The following SERPINI2 variants were observed in gnomAD, a reference collection of about 807,000 sequenced individuals.
SERPINI2 encodes the protein serpin family I member 2.
A neutral mutation model predicts 47.3 loss-of-function variants in SERPINI2; 48 were observed. The observed-to-expected ratio is 1.02, with a 90% CI of 0.81 to 1.29. SERPINI2 has a LOEUF of 1.29. Ranked by LOEUF, SERPINI2 falls within the 50% of genes most tolerant of loss-of-function variation. SERPINI2 has a pLI of 0.00. For missense variants in SERPINI2, 448 were observed against 456.9 expected (o/e 0.98, Z 0.18); for synonymous variants, 135 against 149.3 (o/e 0.90, Z 0.70).
chr3:167,465,572 T>A lies in SERPINI2; in HGVS notation c.580A>T (p.Arg194Ter). ...TTTATCAGCTGTGTGTCCTCTTTTC[T>A]GAATTTCTGTTTCCAATCTCCTTTG... is the stretch of plus-strand genomic sequence containing the variant. Residue 194 changes from arginine (R) to a stop codon, truncating the protein, a stop_gained, in exon 4 of 9, where the codon AGA becomes TGA. Transcript: ENST00000264677. LOFTEE classifies it high-confidence loss of function. 1.9e-6 allele frequency: 3 copies of A among 1,613,934 alleles called. No individual in the cohort carries two copies. The highest frequency in any genetic ancestry group is 2.5e-6 in the Non-Finnish European group (3 of 1,179,954).
chr3:167,468,278 T>G (rs1431443431), intron 2 of SERPINI2, among the ~76,000 whole-genome samples: 2 of 152,192 alleles, frequency 1.3e-5, no homozygotes, highest in Admixed American at 6.6e-5. Flanking sequence ...AAGAGGGACT[T>G]ACTACTAGAT....
At chr3:167,472,504 G>C (rs993320408) in intron 1 of SERPINI2, among the ~76,000 whole-genome samples, 3 of 151,800 alleles carry the variant, frequency 2.0e-5, no homozygotes, top group African/African-American at 7.3e-5. Context: ...AAAGTACTAT[G>C]CTCACTACCT....
At chr3:167,446,332 A>T (rs757439026) in intron 8 of SERPINI2, 60 bp downstream of exon 8, 44 of 1,131,630 alleles carry the variant, frequency 3.9e-5, no homozygotes, top group Non-Finnish European at 5.7e-5. Context: ...TGCAATTAGA[A>T]ACTGGAACTA....
At chr3:167,467,150 T>A in exon 3 of SERPINI2, 1 of 1,613,584 alleles carries the variant, frequency 6.2e-7, no homozygotes, top group Non-Finnish European at 8.5e-7. Flanking sequence ...AAAAAATTCC[T>A]TGTTGCCATG....
intron 2 of SERPINI2, among the ~76,000 whole-genome samples, chr3:167,467,926 A>C (rs1750187938): frequency 6.6e-6 from 1 of 152,162 alleles, no homozygotes. Flanking sequence ...ACCACTAGCC[A>C]AAATAAGTCA....
At chr3:167,458,821 C>A (rs1016444612) in intron 5 of SERPINI2, among the ~76,000 whole-genome samples, 1 of 152,168 alleles carries the variant, frequency 6.6e-6, no homozygotes, top group Non-Finnish European at 1.5e-5. Context: ...CTCAGTGCCT[C>A]AGTTTTCTTA....
chr3:167,447,630 C>T (rs1475306858), intron 7 of SERPINI2, among the ~76,000 whole-genome samples: 1 of 152,170 alleles, frequency 6.6e-6, no homozygotes, highest in African/African-American at 2.4e-5. Flanking sequence ...ATTCTGCTGT[C>T]AATCAATAAT....
chr3:167,467,145 A>G, exon 3 of SERPINI2: 1 of 1,613,530 alleles, frequency 6.2e-7, no homozygotes, highest in Non-Finnish European at 8.5e-7. Context: ...CTCTGAAAAA[A>G]TTCCTTGTTG....
chr3:167,454,209 T>C lies in SERPINI2; in HGVS notation c.867-1176A>G, dbSNP rs541449883. ...AGTCTAATTAGATCATTGTTTTAAT[T>C]GGAAATACTGAATGAGCTTCTTAAT... On this transcript the variant is annotated intron_variant, in intron 5 of 8. Transcript: ENST00000264677. 7.7e-4 allele frequency among the ~76,000 whole-genome samples: 118 copies of C among 152,350 alleles called. 1 individual carries two copies. Among genetic ancestry groups the C allele is most frequent in the Non-Finnish European group, 1.3e-3 (86 of 68,022 alleles).
At chr3:167,459,167 C>T (rs1018519068) in intron 5 of SERPINI2, among the ~76,000 whole-genome samples, 6 of 151,068 alleles carry the variant, frequency 4.0e-5, no homozygotes, top group East Asian at 3.9e-4. Flanking sequence ...CTCCGCCTCC[C>T]GGGTTCACGC....
At chr3:167,448,708 G>A (rs1047778771) in intron 7 of SERPINI2, among the ~76,000 whole-genome samples, 3 of 152,150 alleles carry the variant, frequency 2.0e-5, no homozygotes, top group Non-Finnish European at 4.4e-5. Flanking sequence ...ATTTTTAGTA[G>A]AGACGGGGTT....
chr3:167,464,784 T>G (rs893668676), intron 5 of SERPINI2, among the ~76,000 whole-genome samples: 4 of 152,204 alleles, frequency 2.6e-5, no homozygotes, highest in African/African-American at 9.7e-5. Flanking sequence ...TCAATGATTG[T>G]TAGAGCACTG....
intron 2 of SERPINI2, among the ~76,000 whole-genome samples, chr3:167,470,550 CTTTTTTTTTTTTT>C (rs536884425): frequency 5.4e-5 from 5 of 93,044 alleles, no homozygotes; most frequent in African/African-American, 2.3e-4. Context: ...TGAGCAACAA[CTTTTTTTTTTTTT>C]TTTTTTTTTT....
At chr3:167,444,302 G>GAA (rs1749408731) in intron 8 of SERPINI2, among the ~76,000 whole-genome samples, 2 of 152,072 alleles carry the variant, frequency 1.3e-5, no homozygotes, top group South Asian at 4.1e-4. Flanking sequence ...AGCTTAGTAA[G>GAA]GGCTTTAGAG....
chr3:167,467,416 C>A lies in SERPINI2; in HGVS notation c.248-131G>T, dbSNP rs371991610. ...CCTTAGGTATAACTAACAATCCCTTCAAAGTTAGTATAAATATTTTAAGGA... is the reference window on the plus strand; with the variant it reads ...CCTTAGGTATAACTAACAATCCCTTAAAAGTTAGTATAAATATTTTAAGGA... On this transcript the variant is annotated intron_variant, in intron 2 of 8. Coordinates refer to ENST00000264677, the Ensembl canonical transcript of SERPINI2. 6.7e-6 allele frequency: 4 copies of A among 595,850 alleles called. 1 individual carries two copies. Among genetic ancestry groups the A allele is most frequent in the South Asian group, 6.6e-5 (3 of 45,156 alleles). 36.9% of individuals were successfully genotyped at this position (595,850 alleles called of 1,614,324 possible).
intron 5 of SERPINI2, among the ~76,000 whole-genome samples, chr3:167,460,181 A>G (rs946951124): frequency 7.2e-5 from 11 of 152,336 alleles, no homozygotes; most frequent in African/African-American, 2.6e-4. Flanking sequence ...GAAGTTGATT[A>G]AGCTGTTCCA....
chr3:167,451,524 C>G (rs1454445246), intron 6 of SERPINI2, among the ~76,000 whole-genome samples: 1 of 152,166 alleles, frequency 6.6e-6, no homozygotes, highest in Non-Finnish European at 1.5e-5. Flanking sequence ...CTATTCTATT[C>G]TAGGCAATAA....
chr3:167,459,223 C>T (rs1273371986), intron 5 of SERPINI2, among the ~76,000 whole-genome samples: 2 of 151,658 alleles, frequency 1.3e-5, no homozygotes, highest in Non-Finnish European at 2.9e-5. Context: ...TACAGGCGCC[C>T]GCCACTATGC....
chr3:167,472,290 G>A (rs1750351647), intron 1 of SERPINI2, among the ~76,000 whole-genome samples: 1 of 151,972 alleles, frequency 6.6e-6, no homozygotes, highest in Non-Finnish European at 1.5e-5. Flanking sequence ...CTCCAGTGTG[G>A]TTTTAGACCT....
Sources: allele counts gnomAD v4.1 joint callset (sites outside exome capture counted in the v4.1 genomes callset), GRCh38; gene constraint gnomAD v4.1.1; transcripts MANE v1.5; gene names NCBI Gene and HGNC (gene_info 2026-07-23, HGNC 2026-07-21).